ZNF626: variants seen among roughly 807,000 people sequenced by gnomAD.
The protein encoded by ZNF626 is zinc finger protein 626, also known as CTC-513N18.7.
Under a neutral mutation model 11.7 loss-of-function variants are expected in ZNF626, and 4 were observed. The observed-to-expected ratio is 0.34, with a 90% CI of 0.17 to 0.78. The LOEUF is 0.78. ZNF626 is among the 30% of genes least tolerant of loss of function. The probability of loss-of-function intolerance (pLI) is 0.57; values close to 1 mark genes in which losing one functional copy is unlikely to be tolerated. For synonymous variants in ZNF626, 179 were observed against 198.6 expected (o/e 0.90, Z 0.83); for missense variants, 588 against 587.1 (o/e 1.00, Z -0.01).
intron 3 of ZNF626, among the ~76,000 whole-genome samples, chr19:20,628,956 T>A (rs1359924308): frequency 6.6e-6 from 1 of 152,244 alleles, no homozygotes; most frequent in Non-Finnish European, 1.5e-5. Flanking sequence ...AATTAATTTT[T>A]GTATAAGGTG....
At chr19:20,633,415 A>C (rs1969930659) in intron 3 of ZNF626, among the ~76,000 whole-genome samples, 1 of 152,154 alleles carries the variant, frequency 6.6e-6, no homozygotes. Flanking sequence ...GGCCTCCTTG[A>C]GCTGTGGTGG....
intron 1 of ZNF626, among the ~76,000 whole-genome samples, chr19:20,655,967 T>A (rs1243787880): frequency 2.0e-5 from 3 of 150,848 alleles, no homozygotes; most frequent in African/African-American, 2.4e-5. Context: ...AATAGCAAAA[T>A]TTTTTTTTGG....
chr19:20,627,459 T>A, intron 3 of ZNF626, among the ~76,000 whole-genome samples: 1 of 151,166 alleles, frequency 6.6e-6, no homozygotes, highest in Admixed American at 6.6e-5. Flanking sequence ...AAAGAAAATT[T>A]AAAAAATCCT....
chr19:20,644,665 G>T (rs573576308), intron 3 of ZNF626: 2 of 152,212 alleles, frequency 1.3e-5, no homozygotes, highest in African/African-American at 2.4e-5. Context: ...ATGGGCAGAA[G>T]AATTAGTCAA....
chr19:20,641,612 C>G (rs1454530920), intron 3 of ZNF626, among the ~76,000 whole-genome samples: 1 of 152,134 alleles, frequency 6.6e-6, no homozygotes, highest in Non-Finnish European at 1.5e-5. Context: ...TATTTTGAGA[C>G]AGGGTCTCAC....
chr19:20,659,078 C>T (rs577915324), intron 1 of ZNF626, among the ~76,000 whole-genome samples: 9 of 152,290 alleles, frequency 5.9e-5, no homozygotes, highest in Admixed American at 2.0e-4. Flanking sequence ...AAATTCTCCA[C>T]CTTTTGTGTG....
chr19:20,633,630 C>T (rs1969934077), intron 3 of ZNF626, among the ~76,000 whole-genome samples: 1 of 152,142 alleles, frequency 6.6e-6, no homozygotes, highest in Non-Finnish European at 1.5e-5. Context: ...GTTTTTTAAG[C>T]CCGTTGGAAA....
intron 3 of ZNF626, among the ~76,000 whole-genome samples, chr19:20,629,349 T>C (rs1261366401): frequency 2.6e-5 from 4 of 152,218 alleles, no homozygotes; most frequent in South Asian, 2.1e-4. Context: ...GGGGATGGCA[T>C]TGAATCTATA....
intron 1 of ZNF626, among the ~76,000 whole-genome samples, chr19:20,650,862 G>A (rs185765270): frequency 5.9e-5 from 9 of 152,226 alleles, no homozygotes; most frequent in African/African-American, 1.9e-4. Flanking sequence ...AAGTTTATTA[G>A]GAAACAAATA....
At chr19:20,637,809 G>A (rs1969982718) in intron 3 of ZNF626, among the ~76,000 whole-genome samples, 3 of 151,904 alleles carry the variant, frequency 2.0e-5, no homozygotes, top group African/African-American at 7.2e-5. Flanking sequence ...TAACGTAACT[G>A]GAAATAACAA....
At chr19:20,661,395 T>A (rs1555773679) in intron 1 of ZNF626, 49 bp downstream of exon 1, 1 of 1,613,104 alleles carries the variant, frequency 6.2e-7, no homozygotes, top group Non-Finnish European at 8.5e-7. Context: ...TTTTCACCGG[T>A]TCCAACCAGT....
chr19:20,621,717 T>G lies in ZNF626; in HGVS notation c.*2573A>C, dbSNP rs1473343136. ...AAAAATTTAACTAACGGGAACAATA[T>G]TCTTCATTTGCAGTTTACTGGCAAA... is the stretch of plus-strand genomic sequence containing the variant. On this transcript the variant is annotated 3_prime_UTR_variant, in exon 4 of 4. Coordinates refer to ENST00000601440, the MANE Select transcript of ZNF626 (RefSeq NM_001076675.3). 6.6e-6 allele frequency: 1 copy of G among 152,178 alleles called. No homozygotes were observed. The highest frequency in any genetic ancestry group is 6.5e-5 in the Admixed American group (1 of 15,276). The allele number at this position is 152,178 out of a possible 1,614,324, so 9.4% of individuals were successfully genotyped here. A position where few individuals can be genotyped will look rare whatever the true frequency, so the allele number is the denominator to read the frequency against.
intron 3 of ZNF626, among the ~76,000 whole-genome samples, chr19:20,627,943 C>A (rs1969858895): frequency 6.6e-6 from 1 of 152,170 alleles, no homozygotes. Flanking sequence ...CCTGACGCCA[C>A]AACAGTCCCC....
At chr19:20,647,054 C>T (rs1275100987) in intron 1 of ZNF626, among the ~76,000 whole-genome samples, 2 of 152,072 alleles carry the variant, frequency 1.3e-5, no homozygotes, top group Non-Finnish European at 2.9e-5. Flanking sequence ...TTATGTTGGT[C>T]AGGCTGGTCT....
At chr19:20,627,492 C>T (rs1599472487) in intron 3 of ZNF626, among the ~76,000 whole-genome samples, 2 of 151,184 alleles carry the variant, frequency 1.3e-5, no homozygotes, top group East Asian at 3.9e-4. Flanking sequence ...ATACAAAAAG[C>T]AAAAAACCAC....
Position 20,620,328 on chromosome 19 carries a change from C to T in ZNF626, c.*3962G>A, listed in dbSNP as rs953157458. ...TAGTTTTCCATTAATCACCTAAAAACTTATTTTGTTCCAATAATTGCGTTT... is the reference window on the plus strand; with the variant it reads ...TAGTTTTCCATTAATCACCTAAAAATTTATTTTGTTCCAATAATTGCGTTT... On this transcript the variant is annotated 3_prime_UTR_variant, in exon 4 of 4. Transcript: ENST00000601440. 12 of 152,116 alleles carry T rather than the reference C, an allele frequency of 7.9e-5. No homozygotes were observed. Among genetic ancestry groups the T allele is most frequent in the Admixed American group, 6.5e-5 (1 of 15,270 alleles). 9.4% of individuals were successfully genotyped at this position (152,116 alleles called of 1,614,324 possible).
intron 3 of ZNF626, among the ~76,000 whole-genome samples, chr19:20,631,073 G>C (rs1410679603): frequency 7.9e-5 from 12 of 152,258 alleles, no homozygotes; most frequent in African/African-American, 2.6e-4. Flanking sequence ...TTTCCATGTA[G>C]TTGAGTGGTT....
In ZNF626 at chr19:20,625,496, T is replaced by C; in HGVS notation, c.381A>G (p.Lys127=). The C allele has an allele frequency of 6.2e-7, 1 of 1,614,080 alleles. No homozygotes were observed. The highest frequency in any genetic ancestry group is 8.5e-7 in the Non-Finnish European group (1 of 1,179,994). The stretch of plus-strand genomic sequence containing the variant: ...ATTGGTTAAGTTCATTATAACCTTC[T>C]TTGTGCACCTTACACTCATCCACAC... The part of the protein sequence containing the change: ...CISVDECKVH[K]EGYNELNQCL... The change falls in exon 4 of 4, where the codon AAA becomes AAG. Residue 127 remains lysine (K), a synonymous_variant. Coordinates refer to ENST00000601440, the MANE Select transcript of ZNF626 (RefSeq NM_001076675.3).
chr19:20,643,095 T>C (rs147026656), intron 3 of ZNF626, among the ~76,000 whole-genome samples: 2,643 of 152,236 alleles, frequency 0.017, 90 homozygotes, highest in African/African-American at 0.062. Flanking sequence ...TTTTGAATCA[T>C]TGGCATGCAC....
Sources: gnomAD v4.1 joint callset for allele counts (sites outside exome capture counted in the v4.1 genomes callset) on GRCh38, gnomAD v4.1.1 for gene constraint, MANE v1.5 for transcripts, NCBI Gene and HGNC (gene_info 2026-07-23, HGNC 2026-07-21) for gene names.